HDAC4: variants seen among roughly 807,000 people sequenced by gnomAD.
HDAC4 encodes the protein histone deacetylase 4.
In HDAC4, 16 loss-of-function variants were observed where a neutral mutation model predicts 135.1. That is an observed-to-expected ratio of 0.12 (90% CI 0.08 to 0.18). HDAC4 has a LOEUF of 0.18. Ranked by LOEUF, HDAC4 falls within the 10% of genes least tolerant of loss-of-function variation. The pLI is 1.00. For missense variants in HDAC4, 1,143 were observed against 1,511.8 expected (o/e 0.76, Z 4.05); for synonymous variants, 685 against 653.4 (o/e 1.05, Z -0.74).
intron 2 of HDAC4, among the ~76,000 whole-genome samples, chr2:239,326,224 G>A (rs527858437): frequency 3.9e-5 from 6 of 152,168 alleles, no homozygotes; most frequent in South Asian, 4.1e-4. Context: ...GCCACAATAC[G>A]AGTGAACCCT....
intron 12 of HDAC4, among the ~76,000 whole-genome samples, chr2:239,122,193 TAAAGGG>T (rs2039753413): frequency 6.6e-6 from 1 of 152,080 alleles, no homozygotes; most frequent in Admixed American, 6.5e-5. Context: ...GATGTCAAGT[TAAAGGG>T]AAACACACCC....
chr2:239,112,778 C>A (rs905086279), intron 13 of HDAC4, among the ~76,000 whole-genome samples: 1 of 152,212 alleles, frequency 6.6e-6, no homozygotes, highest in African/African-American at 2.4e-5. Context: ...GGGAGCTCTG[C>A]GCCAATCCTG....
intron 4 of HDAC4, among the ~76,000 whole-genome samples, chr2:239,184,785 A>C (rs28490424): frequency 2.8e-4 from 9 of 32,526 alleles, no homozygotes; most frequent in East Asian, 1.4e-3. Flanking sequence ...GCCCTGGAGG[A>C]TGTGTCCTAT....
At chr2:239,246,191 C>T (rs1484552788) in intron 2 of HDAC4, among the ~76,000 whole-genome samples, 1 of 152,176 alleles carries the variant, frequency 6.6e-6, no homozygotes, top group Non-Finnish European at 1.5e-5. Flanking sequence ...ACTCAGCAGG[C>T]AGGCAGAGCC....
At chr2:239,156,068 T>C (rs918151528) in intron 7 of HDAC4, among the ~76,000 whole-genome samples, 4 of 152,248 alleles carry the variant, frequency 2.6e-5, no homozygotes, top group African/African-American at 9.6e-5. Flanking sequence ...CGCCTCTCCC[T>C]GCTTCTAAGA....
At chr2:239,264,780 G>A (rs2049613769) in intron 2 of HDAC4, among the ~76,000 whole-genome samples, 1 of 152,226 alleles carries the variant, frequency 6.6e-6, no homozygotes, top group Non-Finnish European at 1.5e-5. Context: ...GTCCCAGGGT[G>A]TAAACACTGT....
chr2:239,334,181 C>T (rs1193538163), intron 2 of HDAC4, among the ~76,000 whole-genome samples: 2 of 151,966 alleles, frequency 1.3e-5, no homozygotes, highest in African/African-American at 2.4e-5. Flanking sequence ...ATAAAATTCC[C>T]CCAACAAAAC....
intron 7 of HDAC4, among the ~76,000 whole-genome samples, chr2:239,152,459 T>G (rs2042173917): frequency 6.6e-6 from 1 of 152,188 alleles, no homozygotes; most frequent in South Asian, 2.1e-4. Context: ...GGTGAAGACC[T>G]CTGAAGTGGA....
At chr2:239,158,624 G>T (rs1329579408) in intron 6 of HDAC4, among the ~76,000 whole-genome samples, 1 of 152,002 alleles carries the variant, frequency 6.6e-6, no homozygotes, top group African/African-American at 2.4e-5. Context: ...CTCCCCGCTG[G>T]ACCACCTCGA....
chr2:239,266,758 C>T (rs2049756240), intron 2 of HDAC4, among the ~76,000 whole-genome samples: 1 of 151,864 alleles, frequency 6.6e-6, no homozygotes, highest in Admixed American at 6.5e-5. Flanking sequence ...GGACTGTGAG[C>T]TTGTAAAGTG....
intron 3 of HDAC4, among the ~76,000 whole-genome samples, chr2:239,202,021 G>C (rs2045786683): frequency 6.6e-6 from 1 of 152,182 alleles, no homozygotes; most frequent in African/African-American, 2.4e-5. Context: ...TCTTTCCCCA[G>C]CCTCCACCCC....
chr2:239,196,962 G>A (rs928895480), intron 3 of HDAC4, among the ~76,000 whole-genome samples: 4 of 152,118 alleles, frequency 2.6e-5, no homozygotes. Context: ...CACTCACCCC[G>A]GGCAGGCGCT....
At chr2:239,298,130 T>TA (rs1559341757) in intron 2 of HDAC4, 2 of 1,122,132 alleles carry the variant, frequency 1.8e-6, no homozygotes, top group South Asian at 2.6e-5. Flanking sequence ...GACTAAAACA[T>TA]AAACAAGAAA....
chr2:239,220,765 G>A (rs933491897), intron 3 of HDAC4, among the ~76,000 whole-genome samples: 21 of 152,048 alleles, frequency 1.4e-4, no homozygotes, highest in Admixed American at 8.5e-4. Flanking sequence ...ACTTTAAATG[G>A]ATAACAGATG....
At chr2:239,160,151 A>G (rs1575234936) in intron 6 of HDAC4, among the ~76,000 whole-genome samples, 1 of 152,264 alleles carries the variant, frequency 6.6e-6, no homozygotes, top group East Asian at 1.9e-4. Flanking sequence ...ACAATTTCCT[A>G]GTAGCCACAT....
intron 22 of HDAC4, among the ~76,000 whole-genome samples, chr2:239,069,412 C>T (rs1377811099): frequency 9.4e-6 from 1 of 105,946 alleles, no homozygotes; most frequent in African/African-American, 3.6e-5. Context: ...GAGTGAGTCA[C>T]GGTGCAAGCC....
intron 1 of HDAC4, among the ~76,000 whole-genome samples, chr2:239,358,706 T>A (rs1693673810): frequency 6.6e-6 from 1 of 152,234 alleles, no homozygotes; most frequent in Non-Finnish European, 1.5e-5. Flanking sequence ...TATTTTAGTC[T>A]TCCTCTTTCC....
At position 239,082,092 on chromosome 2, in the gene HDAC4, C is replaced by T. The variant is rs751964689; in HGVS notation, c.2652+10G>A. ...CTTTCCCCCCAGAGGCCCTTATATA[C>T]CCCACCTACCTCATCAGGAGCCCCG... On this transcript the variant is annotated intron_variant, in intron 21 of 26. Coordinates refer to ENST00000543185, the MANE Select transcript of HDAC4 (RefSeq NM_001378414.1). 11 of 1,573,296 alleles carry T rather than the reference C, an allele frequency of 7.0e-6. No individual in the cohort carries two copies. The highest frequency in any genetic ancestry group is 1.1e-5 in the South Asian group (1 of 90,648).
In HDAC4 at chr2:239,167,563, A is replaced by G. The variant is rs2043187093; in HGVS notation, c.491-3640T>C. ...ATCTTCTTTTGATCTTTCAGACTTT[A>G]CTAGGAGAGTATTCAAAATGAGGGG... On this transcript the variant is annotated intron_variant, in intron 5 of 26. Coordinates refer to ENST00000543185, the MANE Select transcript of HDAC4 (RefSeq NM_001378414.1). The surrounding 1 kb of genome is among the most constrained non-coding windows in gnomAD (Gnocchi z 4.1). Among the ~76,000 whole-genome samples, 1 of 152,112 alleles carries G rather than the reference A, an allele frequency of 6.6e-6. No homozygotes were observed. The highest frequency in any genetic ancestry group is 1.5e-5 in the Non-Finnish European group (1 of 68,020).
Sources: gnomAD v4.1 joint callset for allele counts (sites outside exome capture counted in the v4.1 genomes callset) on GRCh38, gnomAD v4.1.1 for gene constraint, Gnocchi (gnomAD v3.1) non-coding constraint, MANE v1.5 for transcripts, NCBI Gene and HGNC (gene_info 2026-07-23, HGNC 2026-07-21) for gene names.